Variants in AQP9 observed in about 807,000 individuals in gnomAD.
AQP9 encodes the protein aquaporin 9, also known as aquaporin-9.
In AQP9, 19 loss-of-function variants were observed where a neutral mutation model predicts 23.8. The observed-to-expected ratio is 0.80, with a 90% CI of 0.56 to 1.17. AQP9 has a LOEUF of 1.17. Ranked by LOEUF, AQP9 falls within the 50% of genes most tolerant of loss-of-function variation. The pLI is 0.00. For synonymous variants in AQP9, 153 were observed against 131.5 expected (o/e 1.16, Z -1.12); for missense variants, 413 against 362.0 (o/e 1.14, Z -1.14).
At position 58,174,952 on chromosome 15, in the gene AQP9, G is replaced by T; in HGVS notation, c.411G>T (p.Leu137=). The change falls in exon 4 of 6, where the codon CTG becomes CTT. Residue 137 remains leucine, a synonymous_variant. Transcript: ENST00000219919. ...GLMSFAGGKL[L]IVGENATAHI... ...TGTCCTTTGCTGGTGGAAAACTGCTGATCGTGGGAGAAAATGCAACAGCAC... is the reference window on the plus strand; with the variant it reads ...TGTCCTTTGCTGGTGGAAAACTGCTTATCGTGGGAGAAAATGCAACAGCAC... 1 of 1,614,174 alleles carries T rather than the reference G, an allele frequency of 6.2e-7. No individual in the cohort carries two copies. Among genetic ancestry groups the T allele is most frequent in the Non-Finnish European group, 8.5e-7 (1 of 1,180,000 alleles).
intron 4 of AQP9, among the ~76,000 whole-genome samples, chr15:58,178,337 C>T (rs1252756805): frequency 2.6e-5 from 4 of 152,004 alleles, no homozygotes; most frequent in African/African-American, 9.7e-5. Flanking sequence ...TTTTTAATGG[C>T]TATACAGTAG....
intron 2 of AQP9, among the ~76,000 whole-genome samples, chr15:58,168,514 T>C (rs1031411720): frequency 2.0e-5 from 3 of 152,064 alleles, no homozygotes; most frequent in Non-Finnish European, 2.9e-5. Flanking sequence ...GCATCCGGAA[T>C]GGCCATTGAC....
At chr15:58,180,046 A>G (rs1364452899) in intron 5 of AQP9, among the ~76,000 whole-genome samples, 2 of 152,188 alleles carry the variant, frequency 1.3e-5, no homozygotes, top group Non-Finnish European at 2.9e-5. Context: ...GCAAGACTCC[A>G]CACTTTCTAC....
intron 2 of AQP9, among the ~76,000 whole-genome samples, chr15:58,168,992 T>TA (rs1898565079): frequency 6.6e-6 from 1 of 152,174 alleles, no homozygotes; most frequent in Non-Finnish European, 1.5e-5. Flanking sequence ...CCACTGCTGT[T>TA]AACACCCTTC....
At chr15:58,152,978 A>G (rs1229613286) in intron 1 of AQP9, 9 of 152,134 alleles carry the variant, frequency 5.9e-5, no homozygotes, top group African/African-American at 1.9e-4. Context: ...TTTCCTCACG[A>G]TAATATTAAT....
At chr15:58,182,648 G>C (rs1156510775) in intron 5 of AQP9, among the ~76,000 whole-genome samples, 3 of 152,144 alleles carry the variant, frequency 2.0e-5, no homozygotes, top group Non-Finnish European at 4.4e-5. Flanking sequence ...GCCTCCCCTA[G>C]AAAAATCCAT....
intron 1 of AQP9, among the ~76,000 whole-genome samples, chr15:58,157,329 C>A (rs1898284648): frequency 6.6e-6 from 1 of 152,142 alleles, no homozygotes; most frequent in African/African-American, 2.4e-5. Flanking sequence ...ATTTGCTTCC[C>A]AGAAAAGTCT....
At position 58,138,495 on chromosome 15, in the gene AQP9, T is replaced by A; in HGVS notation, c.-71T>A. 6.5e-6 allele frequency: 8 copies of A among 1,237,434 alleles called. No individual in the cohort carries two copies. The highest frequency in any genetic ancestry group is 9.3e-6 in the Non-Finnish European group (8 of 859,958). The allele number at this position is 1,237,434 out of a possible 1,614,324, so 76.7% of individuals were successfully genotyped here. On this transcript the variant is annotated 5_prime_UTR_variant, in exon 1 of 6. Transcript: ENST00000219919. ...GCCATTGTCAAAACGTCCATTTTCATCTGGCTGTGAAAGTGAGGACCACAA... is the reference window on the plus strand; with the variant it reads ...GCCATTGTCAAAACGTCCATTTTCAACTGGCTGTGAAAGTGAGGACCACAA...
At chr15:58,146,081 T>A (rs1350199560) in intron 1 of AQP9, among the ~76,000 whole-genome samples, 1 of 152,230 alleles carries the variant, frequency 6.6e-6, no homozygotes, top group Non-Finnish European at 1.5e-5. Context: ...TTCACTATTA[T>A]GTGCCTAGAG....
chr15:58,164,089 C>T (rs1490344800), intron 1 of AQP9: 3 of 152,428 alleles, frequency 2.0e-5, no homozygotes, highest in Non-Finnish European at 4.4e-5. Context: ...ATCACTCCTC[C>T]TATTTCCTGC....
intron 1 of AQP9, chr15:58,153,723 C>G (rs1368366256): frequency 4.6e-5 from 7 of 152,196 alleles, no homozygotes; most frequent in Non-Finnish European, 8.8e-5. Context: ...CAGCCTCACA[C>G]TTACAGGTAT....
At chr15:58,157,663 TA>T (rs1846062179) in intron 1 of AQP9, among the ~76,000 whole-genome samples, 1 of 152,012 alleles carries the variant, frequency 6.6e-6, no homozygotes, top group Admixed American at 6.6e-5. Flanking sequence ...TGGAAGACAC[TA>T]TGAGGAGAGG....
chr15:58,147,873 C>T (rs1323746707), intron 1 of AQP9, among the ~76,000 whole-genome samples: 2 of 150,388 alleles, frequency 1.3e-5, no homozygotes, highest in Non-Finnish European at 3.0e-5. Flanking sequence ...TAAATACCCT[C>T]ACCTGTATAA....
In AQP9 at chr15:58,184,946, A is replaced by C. The variant is rs571256764; in HGVS notation, c.*811A>C. On this transcript the variant is annotated 3_prime_UTR_variant, in exon 6 of 6. Coordinates refer to ENST00000219919, the MANE Select transcript of AQP9 (RefSeq NM_020980.5). Reference sequence around the variant, plus strand: ...TTTTTAGCTCAAATGTATTTTCCTAATTGCCCACTTGAGAACAGACATTTG... The same window carrying C: ...TTTTTAGCTCAAATGTATTTTCCTACTTGCCCACTTGAGAACAGACATTTG... The C allele has an allele frequency of 6.6e-5, 10 of 152,124 alleles. No homozygotes were observed. The East Asian group carries it at 1.9e-3, about 30-fold the overall frequency. 9.4% of individuals were successfully genotyped at this position (152,124 alleles called of 1,614,324 possible). A position where few individuals can be genotyped will look rare whatever the true frequency, so the allele number is the denominator to read the frequency against.
intron 5 of AQP9, among the ~76,000 whole-genome samples, chr15:58,179,746 C>T (rs577601914): frequency 5.3e-5 from 8 of 152,288 alleles, no homozygotes; most frequent in South Asian, 2.1e-4. Flanking sequence ...TCGTGAACCA[C>T]GCAACCTATG....
At chr15:58,157,198 T>C (rs1898281993) in intron 1 of AQP9, among the ~76,000 whole-genome samples, 1 of 152,166 alleles carries the variant, frequency 6.6e-6, no homozygotes, top group Non-Finnish European at 1.5e-5. Context: ...TCCTTTCCTA[T>C]ATCCAAGAAG....
intron 1 of AQP9, among the ~76,000 whole-genome samples, chr15:58,157,993 C>T (rs1281212679): frequency 6.6e-6 from 1 of 152,102 alleles, no homozygotes; most frequent in African/African-American, 2.4e-5. Flanking sequence ...ACCAGAAAAG[C>T]ACTTGTCCTG....
rs1898514908 is a variant in AQP9 at position 58,166,730 on chromosome 15, G to A, written c.169G>A (p.Val57Ile). 1 of 1,613,844 alleles carries A rather than the reference G, an allele frequency of 6.2e-7. No individual in the cohort carries two copies. The highest frequency in any genetic ancestry group is 2.2e-5 in the East Asian group (1 of 44,896). The change falls in exon 2 of 6, where the codon GTC (valine) becomes ATC (isoleucine). Residue 57 changes from valine to isoleucine, a missense_variant. Val to Ile is a conservative substitution (Grantham distance 29, BLOSUM62 3). Coordinates refer to ENST00000219919, the MANE Select transcript of AQP9 (RefSeq NM_020980.5). ...AILSRGRFGG[V>I]ITINVGFSMA... ...TCTCAGTCGAGGACGTTTTGGAGGG[G>A]TCATCACTATCAATGTTGGATTTTC...
Position 58,177,247 on chromosome 15 carries a change from T to C in AQP9, c.496-1881T>C, listed in dbSNP as rs556708108. Among the ~76,000 whole-genome samples, 312 of 152,320 alleles carry C rather than the reference T, an allele frequency of 2.0e-3. 1 individual carries two copies. The highest frequency in any genetic ancestry group is 7.2e-3 in the African/African-American group (301 of 41,570). On this transcript the variant is annotated intron_variant, in intron 4 of 5. Transcript: ENST00000219919. Reference sequence around the variant, plus strand: ...GTTTAGTTAATAATCAATCATTTATTTACCCAATAACTATTTACTGGGCAC... The same window carrying C: ...GTTTAGTTAATAATCAATCATTTATCTACCCAATAACTATTTACTGGGCAC...
Sources: allele counts gnomAD v4.1 joint callset (sites outside exome capture counted in the v4.1 genomes callset), GRCh38; gene constraint gnomAD v4.1.1; transcripts MANE v1.5; gene names NCBI Gene and HGNC (gene_info 2026-07-23, HGNC 2026-07-21).